Variants in CATSPERB observed in about 807,000 individuals in gnomAD.
CATSPERB encodes catsper channel auxiliary subunit beta.
Under a neutral mutation model 128.3 loss-of-function variants are expected in CATSPERB, and 93 were observed. That is an observed-to-expected ratio of 0.72 (90% CI 0.61 to 0.86). CATSPERB has a LOEUF of 0.86. Among genes scored for constraint, CATSPERB ranks in the 40% least tolerant of loss-of-function variants. The pLI, the probability that CATSPERB is intolerant of heterozygous loss-of-function variation, is 0.00. For synonymous variants in CATSPERB, 381 were observed against 448.8 expected (o/e 0.85, Z 1.91); for missense variants, 1,153 against 1,329.5 (o/e 0.87, Z 2.06).
chr14:91,662,379 T>C (rs1468231550), intron 14 of CATSPERB, among the ~76,000 whole-genome samples: 1 of 152,210 alleles, frequency 6.6e-6, no homozygotes, highest in Admixed American at 6.5e-5. Context: ...TGCATACAGC[T>C]CAGTTCATTT....
At chr14:91,682,563 G>A (rs1448847800) in intron 11 of CATSPERB, among the ~76,000 whole-genome samples, 5 of 152,144 alleles carry the variant, frequency 3.3e-5, no homozygotes, top group African/African-American at 2.4e-5. Context: ...ATGGGCCTGT[G>A]GCACTCACAG....
chr14:91,624,263 C>T (rs2139790336), intron 18 of CATSPERB, among the ~76,000 whole-genome samples: 1 of 152,304 alleles, frequency 6.6e-6, no homozygotes, highest in South Asian at 2.1e-4. Context: ...GGGCAGATTG[C>T]CTGAGCTCAG....
At chr14:91,683,417 T>C (rs891702155) in intron 11 of CATSPERB, among the ~76,000 whole-genome samples, 1 of 152,240 alleles carries the variant, frequency 6.6e-6, no homozygotes, top group Non-Finnish European at 1.5e-5. Flanking sequence ...TTTTTGAAAC[T>C]GTTTTTTCTT....
At chr14:91,626,747 A>C (rs906713444) in intron 17 of CATSPERB, among the ~76,000 whole-genome samples, 7 of 152,216 alleles carry the variant, frequency 4.6e-5, no homozygotes, top group African/African-American at 1.4e-4. Context: ...GTAAGAAATA[A>C]ATTTCTTTTC....
intron 15 of CATSPERB, among the ~76,000 whole-genome samples, chr14:91,647,080 G>T (rs563946521): frequency 6.6e-6 from 1 of 152,292 alleles, no homozygotes; most frequent in East Asian, 1.9e-4. Flanking sequence ...TTAGCTGGGT[G>T]TGGTGGTGGG....
intron 23 of CATSPERB, among the ~76,000 whole-genome samples, chr14:91,591,313 C>T (rs2139759874): frequency 6.6e-6 from 1 of 152,154 alleles, no homozygotes; most frequent in Non-Finnish European, 1.5e-5. Flanking sequence ...CGTTGGCCTC[C>T]CAAAGTGCTG....
chr14:91,593,236 C>T lies in CATSPERB; in HGVS notation c.2710-1234G>A, dbSNP rs373207695. On this transcript the variant is annotated intron_variant, in intron 22 of 26. Transcript: ENST00000256343. The stretch of plus-strand genomic sequence containing the variant: ...GAAATGTGGGGTGGGAGCTCCCACA[C>T]AGAGTCCCTACTGGGGCACTGCCTA... 6.9e-4 allele frequency among the ~76,000 whole-genome samples: 105 copies of T among 152,350 alleles called. 1 individual carries two copies. The highest frequency in any genetic ancestry group is 2.4e-3 in the African/African-American group (98 of 41,588).
At chr14:91,581,311 A>T (rs1266310993) in intron 26 of CATSPERB, among the ~76,000 whole-genome samples, 1 of 152,256 alleles carries the variant, frequency 6.6e-6, no homozygotes, top group East Asian at 1.9e-4. Context: ...TAAGAAGTCC[A>T]TGTATTATCC....
rs116243515 is a variant in CATSPERB at position 91,726,745 on chromosome 14, A to T, written c.80-1577T>A. 5.2e-3 allele frequency among the ~76,000 whole-genome samples: 790 copies of T among 152,322 alleles called. 6 individuals are homozygous for T. Among genetic ancestry groups the T allele is most frequent in the African/African-American group, 0.018 (738 of 41,580 alleles). ...AGGGGCTATGAAGGACTCATTCAAG[A>T]GCCCAGAGATCAAGGGTCAGCTTTA... On this transcript the variant is annotated intron_variant, in intron 2 of 26. Transcript: ENST00000256343.
At chr14:91,719,523 T>C in intron 4 of CATSPERB, 45 bp from the exon 5 acceptor site, 1 of 1,378,348 alleles carries the variant, frequency 7.3e-7, no homozygotes, top group Non-Finnish European at 1.0e-6. Context: ...ACAACATGAA[T>C]AACAACACAT....
Position 91,693,258 on chromosome 14 carries a change from T to G in CATSPERB, c.713-14A>C. The G allele has an allele frequency of 6.3e-7, 1 of 1,592,712 alleles. No individual in the cohort carries two copies. On this transcript the variant is annotated splice_polypyrimidine_tract_variant and intron_variant, in intron 8 of 26. Coordinates refer to ENST00000256343, the MANE Select transcript of CATSPERB (RefSeq NM_024764.4). ...GGTCTTCATATTCTAAACGAAGAAA[T>G]CATACCATGGATTAAAAAGTAAGAA...
At chr14:91,669,225 T>C (rs1030443753) in intron 14 of CATSPERB, among the ~76,000 whole-genome samples, 4 of 152,218 alleles carry the variant, frequency 2.6e-5, no homozygotes, top group Non-Finnish European at 4.4e-5. Context: ...ATTAGTTCCT[T>C]CTTTGGAAGT....
intron 22 of CATSPERB, among the ~76,000 whole-genome samples, chr14:91,606,798 C>T (rs1202805600): frequency 2.6e-5 from 4 of 152,102 alleles, no homozygotes. Flanking sequence ...GTGAAATTAA[C>T]ACTTGTTGGA....
At position 91,636,510 on chromosome 14, in the gene CATSPERB, C is replaced by T. The variant is rs760767980; in HGVS notation, c.1657G>A (p.Ala553Thr). The T allele has an allele frequency of 6.2e-7, 1 of 1,613,820 alleles. No homozygotes were observed. The highest frequency in any genetic ancestry group is 8.5e-7 in the Non-Finnish European group (1 of 1,179,934). ...TGGGGTTCGTTCTCAGGTACATATG[C>T]AAAAAAGATAATTTCATCTAAGGAG... ...HTSLDEIIFF[A>T]YVPENEPQET... The change falls in exon 17 of 27, where the codon GCA (alanine) becomes ACA (threonine). Residue 553 changes from alanine to threonine, a missense_variant. By Grantham distance (58) the Ala-to-Thr change is moderately conservative (BLOSUM62 0). Transcript: ENST00000256343.
chr14:91,670,957 C>G (rs530779394), intron 13 of CATSPERB, among the ~76,000 whole-genome samples: 1 of 151,698 alleles, frequency 6.6e-6, no homozygotes, highest in African/African-American at 2.4e-5. Context: ...GAGCCAAGAT[C>G]GCTCCACTGC....
In CATSPERB at chr14:91,697,665, C is replaced by T. The variant is rs112814236; in HGVS notation, c.617-4186G>A. 4.5e-3 allele frequency among the ~76,000 whole-genome samples: 688 copies of T among 152,226 alleles called. 10 individuals are homozygous for T. The highest frequency in any genetic ancestry group is 0.015 in the African/African-American group (643 of 41,526). On this transcript the variant is annotated intron_variant, in intron 7 of 26. Coordinates refer to ENST00000256343, the MANE Select transcript of CATSPERB (RefSeq NM_024764.4). ...TTTCCCTAATGCTTATTTTTGTTAA[C>T]TTTGTTGAAGATCAGATGGTAGTAG...
chr14:91,704,803 C>T, intron 6 of CATSPERB, 102 bp from the exon 7 acceptor site: 1 of 1,226,014 alleles, frequency 8.2e-7, no homozygotes, highest in African/African-American at 1.5e-5. Flanking sequence ...AGAAACTATT[C>T]TATAGTTCAA....
At chr14:91,624,784 C>T in intron 18 of CATSPERB, 36 bp downstream of exon 18, 1 of 1,405,722 alleles carries the variant, frequency 7.1e-7, no homozygotes. Flanking sequence ...TCATTTTTTT[C>T]TAGCCATCAG....
At chr14:91,610,739 A>G in intron 20 of CATSPERB, 62 bp from the exon 21 acceptor site, 1 of 1,501,064 alleles carries the variant, frequency 6.7e-7, no homozygotes, top group Non-Finnish European at 9.1e-7. Flanking sequence ...AACTGTGTCC[A>G]ACCAAAAATC....
Sources: allele counts gnomAD v4.1 joint callset (sites outside exome capture counted in the v4.1 genomes callset), GRCh38; gene constraint gnomAD v4.1.1; transcripts MANE v1.5; gene names NCBI Gene and HGNC (gene_info 2026-07-23, HGNC 2026-07-21).